MTFR1: variants seen among roughly 807,000 people sequenced by gnomAD.
MTFR1 encodes the protein mitochondrial fission regulator 1.
In MTFR1, 28 loss-of-function variants were observed where a neutral mutation model predicts 38.8. The observed-to-expected ratio is 0.72, with a 90% CI of 0.53 to 0.99. The LOEUF (loss-of-function observed/expected upper bound fraction) is 0.99, where lower values mean the gene tolerates loss of function less well. MTFR1 is among the 50% of genes least tolerant of loss of function. The pLI, the probability that MTFR1 is intolerant of heterozygous loss-of-function variation, is 0.00. For missense variants in MTFR1, 358 were observed against 395.5 expected, an observed-to-expected ratio of 0.91 and a Z score of 0.81; for synonymous variants, 145 against 137.0, an observed-to-expected ratio of 1.06 and a Z score of -0.41.
At chr8:65,763,442 G>C (rs536561645) in intron 3 of MTFR1, among the ~76,000 whole-genome samples, 32 of 152,188 alleles carry the variant, frequency 2.1e-4, no homozygotes, top group Non-Finnish European at 2.5e-4. Context: ...GCGCAGGTCT[G>C]TAATCCCAGC....
At chr8:65,712,311 C>T (rs2129060973), downstream of MTFR1, among the ~76,000 whole-genome samples, 1 of 152,258 alleles carries the variant, frequency 6.6e-6, no homozygotes, top group South Asian at 2.1e-4. Flanking sequence ...GTCCAGATCC[C>T]CCCAACCCCT....
At chr8:65,696,555 C>T (rs1028943662) in intron 4 of MTFR1, among the ~76,000 whole-genome samples, 42 of 152,314 alleles carry the variant, frequency 2.8e-4, no homozygotes, top group African/African-American at 8.9e-4. Flanking sequence ...TCTCTTCCAT[C>T]CCCAACCTCA....
chr8:65,766,834 A>G (rs1317305947), intron 3 of MTFR1, among the ~76,000 whole-genome samples: 1 of 152,172 alleles, frequency 6.6e-6, no homozygotes, highest in Admixed American at 6.5e-5. Context: ...GAGGACCACA[A>G]ATCTGTACCT....
At chr8:65,671,969 G>T (rs1804578018) in intron 2 of MTFR1, among the ~76,000 whole-genome samples, 1 of 152,180 alleles carries the variant, frequency 6.6e-6, no homozygotes, top group South Asian at 2.1e-4. Flanking sequence ...CCCCAAGACA[G>T]GTCAATATGA....
chr8:65,692,793 T>A (rs73240726), intron 3 of MTFR1, among the ~76,000 whole-genome samples: 16,685 of 151,990 alleles, frequency 0.11, 1,141 homozygotes, highest in Middle Eastern at 0.17. Flanking sequence ...ATTTTCAACA[T>A]TATAATATAT....
rs1429050700 is a variant in MTFR1 at position 65,685,934 on chromosome 8, T to C, written c.165+3483T>C. ...CAAGTAGAGGTTGAGGGAGTCATTGTGTGCAGACAGAATAGCATGTGTAGA... is the reference window on the plus strand; with the variant it reads ...CAAGTAGAGGTTGAGGGAGTCATTGCGTGCAGACAGAATAGCATGTGTAGA... On this transcript the variant is annotated intron_variant, in intron 3 of 7. Coordinates refer to ENST00000262146, the MANE Select transcript of MTFR1 (RefSeq NM_014637.4). Among the ~76,000 whole-genome samples, 4 of 152,190 alleles carry C rather than the reference T, an allele frequency of 2.6e-5. No individual in the cohort carries two copies. In the East Asian group the frequency reaches 7.7e-4, roughly 29 times the overall value.
chr8:65,673,007 C>G (rs2129051710), intron 2 of MTFR1, among the ~76,000 whole-genome samples: 1 of 152,314 alleles, frequency 6.6e-6, no homozygotes, highest in South Asian at 2.1e-4. Flanking sequence ...CCTTCAAGAA[C>G]TTTTCCTTTG....
intron 1 of MTFR1, among the ~76,000 whole-genome samples, chr8:65,649,117 T>A (rs1809047735): frequency 6.6e-6 from 1 of 152,066 alleles, no homozygotes; most frequent in Admixed American, 6.6e-5. Context: ...ACAAGTAATC[T>A]ACAGATGACT....
Position 65,704,781 on chromosome 8 carries a change from G to A in MTFR1, c.369G>A (p.Leu123=), listed in dbSNP as rs772740837. Residue 123 remains leucine (L), a synonymous_variant, in exon 5 of 8, where the codon TTG becomes TTA. Transcript: ENST00000262146. ...GCAGACAGATTTCCTTACCAGACTT[G>A]TCTCAAGAAGAGCCTCAGCTGAAGA... The part of the protein sequence containing the change: ...APSRQISLPD[L]SQEEPQLKTP... The A allele has an allele frequency of 6.2e-7, 1 of 1,614,028 alleles. No individual in the cohort carries two copies. Among genetic ancestry groups the A allele is most frequent in the Admixed American group, 1.7e-5 (1 of 59,992 alleles).
At chr8:65,714,189 C>T (rs1806041245), downstream of MTFR1, 1 of 150,152 alleles carries the variant, frequency 6.7e-6, no homozygotes, top group Non-Finnish European at 1.5e-5. Flanking sequence ...TAATGCCCCC[C>T]TTTATTATAT....
At chr8:65,657,622 C>T (rs1172193733) in intron 1 of MTFR1, among the ~76,000 whole-genome samples, 2 of 151,616 alleles carry the variant, frequency 1.3e-5, no homozygotes, top group African/African-American at 2.4e-5. Flanking sequence ...GAGAATCACT[C>T]GAGCCCCAGG....
intron 3 of MTFR1, among the ~76,000 whole-genome samples, chr8:65,757,738 C>T (rs1022379449): frequency 7.9e-5 from 12 of 152,162 alleles, no homozygotes; most frequent in Admixed American, 3.9e-4. Flanking sequence ...TCTGCCTCAG[C>T]CTCCTGAGTA....
chr8:65,687,064 C>T (rs1400642768), intron 3 of MTFR1, among the ~76,000 whole-genome samples: 1 of 152,138 alleles, frequency 6.6e-6, no homozygotes, highest in Non-Finnish European at 1.5e-5. Context: ...ACACATTTTC[C>T]TCCCTCTGGT....
intron 7 of MTFR1, chr8:65,708,259 T>A: frequency 1.4e-6 from 1 of 711,550 alleles, no homozygotes. Context: ...TTGAAACTTG[T>A]AGAAGAGCAG....
chr8:65,655,948 A>AT (rs1407597708), intron 1 of MTFR1, among the ~76,000 whole-genome samples: 22 of 21,622 alleles, frequency 1.0e-3, no homozygotes, highest in Non-Finnish European at 1.6e-3. Flanking sequence ...TCTTAAAAAA[A>AT]AAAATATATA....
intron 3 of MTFR1, among the ~76,000 whole-genome samples, chr8:65,738,555 G>C (rs1410983895): frequency 1.3e-5 from 2 of 152,014 alleles, no homozygotes; most frequent in Non-Finnish European, 2.9e-5. Flanking sequence ...TCAGCCTCCC[G>C]AGCAGCTGGG....
At chr8:65,654,043 A>G (rs1225640108) in intron 1 of MTFR1, among the ~76,000 whole-genome samples, 1 of 150,146 alleles carries the variant, frequency 6.7e-6, no homozygotes, top group African/African-American at 2.4e-5. Flanking sequence ...AGCCTGGGTG[A>G]CAGAGTGAGA....
chr8:65,724,941 A>G, intron 3 of MTFR1: 13 of 1,540,648 alleles, frequency 8.4e-6, no homozygotes, highest in Non-Finnish European at 1.2e-5. Context: ...GAGAAATATA[A>G]AGAGAAAATA....
At chr8:65,733,889 A>C (rs190606775) in intron 3 of MTFR1, among the ~76,000 whole-genome samples, 4 of 152,314 alleles carry the variant, frequency 2.6e-5, no homozygotes, top group Admixed American at 2.6e-4. Context: ...GCCAGAACTA[A>C]GATCTAGGGA....
Sources: gnomAD v4.1 joint callset for allele counts (sites outside exome capture counted in the v4.1 genomes callset) on GRCh38, gnomAD v4.1.1 for gene constraint, MANE v1.5 for transcripts, NCBI Gene and HGNC (gene_info 2026-07-23, HGNC 2026-07-21) for gene names.